The following FAM107B variants were observed in gnomAD, a reference collection of about 807,000 sequenced individuals.
The protein encoded by FAM107B is family with sequence similarity 107 member B.
In FAM107B, 21 loss-of-function variants were observed where a neutral mutation model predicts 31.5. The ratio of observed to expected loss-of-function variants is 0.67; its 90% CI spans 0.47 to 0.96. FAM107B has a LOEUF of 0.96. Ranked by LOEUF, FAM107B falls within the 40% of genes least tolerant of loss-of-function variation. The pLI is 0.00. For missense variants in FAM107B, 452 were observed against 377.1 expected (o/e 1.20, Z -1.64); for synonymous variants, 157 against 141.5 (o/e 1.11, Z -0.78).
At chr10:14,616,296 C>G (rs1334061942) in intron 2 of FAM107B, among the ~76,000 whole-genome samples, 1 of 152,078 alleles carries the variant, frequency 6.6e-6, no homozygotes. Context: ...TTCTATGGAG[C>G]TACTGGAAAC....
intron 1 of FAM107B, among the ~76,000 whole-genome samples, chr10:14,748,700 G>T (rs1832772540): frequency 6.6e-6 from 1 of 152,350 alleles, no homozygotes; most frequent in African/African-American, 2.4e-5. Flanking sequence ...CGGTCACCAG[G>T]CTGGGTCTGC....
intron 2 of FAM107B, among the ~76,000 whole-genome samples, chr10:14,660,341 C>A (rs991254386): frequency 6.6e-6 from 1 of 151,986 alleles, no homozygotes; most frequent in African/African-American, 2.4e-5. Flanking sequence ...TTGAAGCCAA[C>A]GTTTTTCAAA....
intron 2 of FAM107B, among the ~76,000 whole-genome samples, chr10:14,607,717 G>C (rs1852629251): frequency 1.3e-5 from 2 of 152,200 alleles, no homozygotes; most frequent in Non-Finnish European, 2.9e-5. Context: ...TTGTTCTGGG[G>C]CTGACACAGT....
chr10:14,565,633 A>C (rs1225103160), intron 2 of FAM107B, among the ~76,000 whole-genome samples: 3 of 152,222 alleles, frequency 2.0e-5, no homozygotes, highest in East Asian at 1.9e-4. Flanking sequence ...CTCACAAGTT[A>C]GGTATGGGCT....
At chr10:14,570,582 G>A (rs550679072) in intron 2 of FAM107B, among the ~76,000 whole-genome samples, 10 of 152,222 alleles carry the variant, frequency 6.6e-5, no homozygotes, top group South Asian at 2.1e-4. Flanking sequence ...TGGGCGTATC[G>A]CTTGTGGTCA....
chr10:14,616,543 C>A (rs1001744149), intron 2 of FAM107B, among the ~76,000 whole-genome samples: 6 of 152,188 alleles, frequency 3.9e-5, no homozygotes, highest in Admixed American at 3.3e-4. Context: ...ATATTATTGG[C>A]AATTTTGTGG....
intron 3 of FAM107B, among the ~76,000 whole-genome samples, chr10:14,524,022 A>G (rs1588462831): frequency 7.0e-6 from 1 of 142,468 alleles, no homozygotes; most frequent in Non-Finnish European, 1.5e-5. Flanking sequence ...ACATGCCACC[A>G]CGCCCAGCTC....
chr10:14,722,527 G>A (rs923197621), intron 1 of FAM107B, among the ~76,000 whole-genome samples: 1 of 152,156 alleles, frequency 6.6e-6, no homozygotes, highest in African/African-American at 2.4e-5. Context: ...CCTAATGGCT[G>A]TAAAGTTGTA....
rs750510808 is a variant in FAM107B at position 14,553,341 on chromosome 10, G to C, written c.470-22826C>G. 1.7e-5 allele frequency: 22 copies of C among 1,273,502 alleles called. No individual in the cohort carries two copies. In the South Asian group the frequency reaches 2.9e-4, roughly 17 times the overall value. 78.9% of individuals were successfully genotyped at this position (1,273,502 alleles called of 1,614,324 possible). ...ACTTACTAAAATACTTTGTAAAGCA[G>C]TTCCAACAGTTTCTCTATCCACAAA... On this transcript the variant is annotated intron_variant, in intron 2 of 4. Coordinates refer to ENST00000181796, the MANE Select transcript of FAM107B (RefSeq NM_031453.4).
intron 2 of FAM107B, among the ~76,000 whole-genome samples, chr10:14,530,936 G>A (rs1846915883): frequency 6.6e-6 from 1 of 152,180 alleles, no homozygotes; most frequent in African/African-American, 2.4e-5. Context: ...AGGAAAGAGG[G>A]GCCTATAAAC....
rs1270032932 is a variant in FAM107B at position 14,625,908 on chromosome 10, T to C, written c.469+41726A>G. 4.0e-5 allele frequency among the ~76,000 whole-genome samples: 5 copies of C among 125,898 alleles called. No individual in the cohort carries two copies. The East Asian group carries it at 1.5e-3, about 37-fold the overall frequency. The allele number at this position is 125,898 out of a possible 152,430, so 82.6% of individuals were successfully genotyped here. On this transcript the variant is annotated intron_variant, in intron 2 of 4. Coordinates refer to ENST00000181796, the MANE Select transcript of FAM107B (RefSeq NM_031453.4). Reference sequence around the variant, plus strand: ...TAATTTCAACAGGGCTGCTGAATAATCAAGGCTTAAAAGGAGAAGTCGTAA... The same window carrying C: ...TAATTTCAACAGGGCTGCTGAATAACCAAGGCTTAAAAGGAGAAGTCGTAA...
intron 1 of FAM107B, among the ~76,000 whole-genome samples, chr10:14,677,490 G>A (rs990107156): frequency 3.3e-5 from 5 of 152,112 alleles, no homozygotes; most frequent in South Asian, 2.1e-4. Context: ...GCGTGGTGGT[G>A]GGCGCCTGTA....
At chr10:14,640,501 C>T (rs1331903751) in intron 2 of FAM107B, among the ~76,000 whole-genome samples, 1 of 152,180 alleles carries the variant, frequency 6.6e-6, no homozygotes, top group African/African-American at 2.4e-5. Flanking sequence ...AAGCAGAGAA[C>T]TAGTCAACCC....
At chr10:14,582,498 T>A (rs1851670551) in intron 2 of FAM107B, among the ~76,000 whole-genome samples, 1 of 146,924 alleles carries the variant, frequency 6.8e-6, no homozygotes, top group East Asian at 2.2e-4. Context: ...TGCCTCAGCC[T>A]CCCGAGTAGC....
chr10:14,531,484 G>C (rs568228360), intron 2 of FAM107B, among the ~76,000 whole-genome samples: 1 of 148,320 alleles, frequency 6.7e-6, no homozygotes, highest in Non-Finnish European at 1.5e-5. Flanking sequence ...TTGCACCACC[G>C]CACTCCAGCC....
chr10:14,758,873 G>GAAAAAAAAAAAAAAAAAAAAAA (rs57967855), intron 1 of FAM107B, among the ~76,000 whole-genome samples: 1 of 38,968 alleles, frequency 2.6e-5, no homozygotes. Flanking sequence ...GACCCTCTCA[G>GAAAAAAAAAAAAAAAAAAAAAA]AAAAAAAAAA....
intron 1 of FAM107B, among the ~76,000 whole-genome samples, chr10:14,683,876 C>G (rs1417507197): frequency 3.3e-5 from 5 of 152,194 alleles, no homozygotes; most frequent in Non-Finnish European, 7.3e-5. Flanking sequence ...TGTCCCCCGG[C>G]CTTAAGCTGT....
chr10:14,608,522 C>T (rs1470490549), intron 2 of FAM107B, among the ~76,000 whole-genome samples: 2 of 152,188 alleles, frequency 1.3e-5, no homozygotes, highest in East Asian at 3.8e-4. Context: ...GGGAGGTTGG[C>T]CAGGGACTGG....
chr10:14,724,929 A>G (rs1327852016), intron 1 of FAM107B, among the ~76,000 whole-genome samples: 1 of 152,262 alleles, frequency 6.6e-6, no homozygotes, highest in Non-Finnish European at 1.5e-5. Flanking sequence ...AAGGCTCAAA[A>G]GTAAACATTT....
Sources: allele counts gnomAD v4.1 joint callset (sites outside exome capture counted in the v4.1 genomes callset), GRCh38; gene constraint gnomAD v4.1.1; transcripts MANE v1.5; gene names NCBI Gene and HGNC (gene_info 2026-07-23, HGNC 2026-07-21).